SMNDC1: variants seen among roughly 807,000 people sequenced by gnomAD.
The protein encoded by SMNDC1 is survival of motor neuron-related-splicing factor 30.
Under a neutral mutation model 29.2 loss-of-function variants are expected in SMNDC1, and 5 were observed. The observed-to-expected ratio is 0.17, with a 90% CI of 0.09 to 0.36. The LOEUF (loss-of-function observed/expected upper bound fraction) is 0.36. Among genes scored for constraint, SMNDC1 ranks in the 10% least tolerant of loss-of-function variants. The pLI is 1.00. For synonymous variants in SMNDC1, 80 were observed against 89.9 expected, an observed-to-expected ratio of 0.89 and a Z score of 0.62; for missense variants, 142 against 268.5, an observed-to-expected ratio of 0.53 and a Z score of 3.29.
At position 110,298,630 on chromosome 10, in the gene SMNDC1, T is replaced by A. The variant is rs1249045213; in HGVS notation, c.263+18A>T. On this transcript the variant is annotated intron_variant, in intron 3 of 5. Coordinates refer to ENST00000369603, the MANE Select transcript of SMNDC1 (RefSeq NM_005871.4). ...TATTATTTCATGTTATAGTTAGAGTTTTTTTTTCTACACTTACTGTCCATC... is the reference window on the plus strand; with the variant it reads ...TATTATTTCATGTTATAGTTAGAGTATTTTTTTCTACACTTACTGTCCATC... The A allele has an allele frequency of 6.3e-7, 1 of 1,585,016 alleles. No homozygotes were observed. The highest frequency in any genetic ancestry group is 8.6e-7 in the Non-Finnish European group (1 of 1,167,534).
At position 110,291,607 on chromosome 10, in the gene SMNDC1, C is replaced by T. The variant is rs1009649582; in HGVS notation, c.*2543G>A. ...AGCTATTTACACATTTGAATTCAAT[C>T]CTTAAAACTGAAACAGATTTTTCCA... On this transcript the variant is annotated 3_prime_UTR_variant, in exon 6 of 6. Coordinates refer to ENST00000369603, the MANE Select transcript of SMNDC1 (RefSeq NM_005871.4). 3 of 152,232 alleles carry T rather than the reference C, an allele frequency of 2.0e-5. No homozygotes were observed. The highest frequency in any genetic ancestry group is 3.4e-3 in the Middle Eastern group (1 of 294). The allele number at this position is 152,232 out of a possible 1,614,324, so 9.4% of individuals were successfully genotyped here.
intron 3 of SMNDC1, 91 bp from the exon 4 acceptor site, chr10:110,297,819 G>T: frequency 8.9e-7 from 1 of 1,119,398 alleles, no homozygotes; most frequent in Non-Finnish European, 1.2e-6. Context: ...TATTACATGT[G>T]TCTATAATGA....
In SMNDC1 at chr10:110,304,907, G is replaced by A. The variant is rs1857724710; in HGVS notation, c.-160C>T. ...AGGAAGAACTCGGTCGGCGGCGAGG[G>A]GGAAGGGAGGAACGCCGGGCACTGG... On this transcript the variant is annotated 5_prime_UTR_variant, in exon 1 of 6. Coordinates refer to ENST00000369603, the MANE Select transcript of SMNDC1 (RefSeq NM_005871.4). 6.6e-6 allele frequency: 1 copy of A among 152,406 alleles called. No individual in the cohort carries two copies. Among genetic ancestry groups the A allele is most frequent in the Admixed American group, 6.5e-5 (1 of 15,284 alleles). 9.4% of individuals were successfully genotyped at this position (152,406 alleles called of 1,614,324 possible).
At chr10:110,299,880 A>C (rs972768768) in intron 2 of SMNDC1, among the ~76,000 whole-genome samples, 2 of 152,172 alleles carry the variant, frequency 1.3e-5, no homozygotes, top group Non-Finnish European at 2.9e-5. Context: ...AAATCTCTTG[A>C]AGAAAGGTTA....
At chr10:110,301,415 G>T (rs1197213171) in intron 2 of SMNDC1, among the ~76,000 whole-genome samples, 1 of 150,828 alleles carries the variant, frequency 6.6e-6, no homozygotes, top group Non-Finnish European at 1.5e-5. Context: ...ATTCAAAATA[G>T]ACCTTATCTA....
At chr10:110,298,278 C>T (rs953179338) in intron 3 of SMNDC1, among the ~76,000 whole-genome samples, 6 of 152,188 alleles carry the variant, frequency 3.9e-5, no homozygotes, top group Non-Finnish European at 7.3e-5. Context: ...CATGAGCCAC[C>T]ACACCCAGCG....
In SMNDC1 at chr10:110,298,792, T is replaced by TA. The variant is rs771389351; in HGVS notation, c.121-3dup. 2 of 1,589,588 alleles carry TA rather than the reference T, an allele frequency of 1.3e-6. No individual in the cohort carries two copies. The highest frequency in any genetic ancestry group is 3.4e-4 in the Middle Eastern group (2 of 5,940). On this transcript the variant is annotated splice_polypyrimidine_tract_variant and splice_region_variant and intron_variant, in intron 2 of 5. Transcript: ENST00000369603. ...GTCTTTGGTTAGTTCTATAACTTCC[T>TA]AAAAAAGAAAAACAAAAACTACAAC...
chr10:110,292,747 C>T lies in SMNDC1; in HGVS notation c.*1403G>A, dbSNP rs534892294. 6.6e-5 allele frequency: 10 copies of T among 151,946 alleles called. No homozygotes were observed. The highest frequency in any genetic ancestry group is 1.2e-4 in the Non-Finnish European group (8 of 67,978). The allele number at this position is 151,946 out of a possible 1,614,324, so 9.4% of individuals were successfully genotyped here. On this transcript the variant is annotated 3_prime_UTR_variant, in exon 6 of 6. Coordinates refer to ENST00000369603, the MANE Select transcript of SMNDC1 (RefSeq NM_005871.4). Reference sequence around the variant, plus strand: ...AGGGAGAGATGAAGAATTCTACCTACCACTGTCCTAAGTTTCAATTTATAA... The same window carrying T: ...AGGGAGAGATGAAGAATTCTACCTATCACTGTCCTAAGTTTCAATTTATAA...
At chr10:110,295,655 C>T (rs560905103) in intron 4 of SMNDC1, among the ~76,000 whole-genome samples, 64 of 121,308 alleles carry the variant, frequency 5.3e-4, no homozygotes, top group African/African-American at 1.6e-3. Context: ...TTTTTTTTGG[C>T]GACAAAGTCT....
intron 5 of SMNDC1, among the ~76,000 whole-genome samples, chr10:110,294,751 G>A (rs749967507): frequency 2.0e-5 from 3 of 152,224 alleles, no homozygotes; most frequent in Non-Finnish European, 2.9e-5. Context: ...CTACCTTGAT[G>A]GCAGTGAAGA....
chr10:110,302,622 G>A (rs1003897722), intron 2 of SMNDC1, among the ~76,000 whole-genome samples: 3 of 152,042 alleles, frequency 2.0e-5, no homozygotes, highest in Non-Finnish European at 2.9e-5. Context: ...GTACTCAGTC[G>A]GTAAAGCAAT....
At chr10:110,302,076 GT>G in intron 2 of SMNDC1, among the ~76,000 whole-genome samples, 1 of 152,194 alleles carries the variant, frequency 6.6e-6, no homozygotes. Context: ...GACTGCTTAA[GT>G]TGGTAAAGGT....
intron 5 of SMNDC1, 120 bp from the exon 6 acceptor site, chr10:110,294,407 G>T: frequency 1.2e-6 from 1 of 833,652 alleles, no homozygotes; most frequent in Non-Finnish European, 1.8e-6. Flanking sequence ...AAAACATATT[G>T]CCTTTGTTTA....
intron 5 of SMNDC1, 99 bp downstream of exon 5, chr10:110,295,129 A>G: frequency 8.8e-7 from 1 of 1,138,266 alleles, no homozygotes; most frequent in South Asian, 1.5e-5. Flanking sequence ...ATCTGAGTTA[A>G]TCATACTTTA....
rs184405665 is a variant in SMNDC1 at position 110,291,976 on chromosome 10, T to G, written c.*2174A>C. The G allele has an allele frequency of 3.2e-4, 49 of 152,324 alleles. 1 individual carries two copies. Among genetic ancestry groups the G allele is most frequent in the South Asian group, 1.0e-3 (5 of 4,824 alleles). The allele number at this position is 152,324 out of a possible 1,614,324, so 9.4% of individuals were successfully genotyped here. On this transcript the variant is annotated 3_prime_UTR_variant, in exon 6 of 6. Coordinates refer to ENST00000369603, the MANE Select transcript of SMNDC1 (RefSeq NM_005871.4). ...TGTCACAGTTTCAAAGCTTCAAGTC[T>G]CCTTTCTTAATGGGGAAAACTCTAC...
chr10:110,297,458 C>T (rs556841866), intron 4 of SMNDC1, 109 bp downstream of exon 4: 147 of 999,416 alleles, frequency 1.5e-4, no homozygotes, highest in Middle Eastern at 4.9e-4. Context: ...TTCAAAACAA[C>T]GGTAAAACAG....
chr10:110,299,414 T>C (rs1158132852), intron 2 of SMNDC1, among the ~76,000 whole-genome samples: 2 of 152,210 alleles, frequency 1.3e-5, no homozygotes, highest in Non-Finnish European at 2.9e-5. Flanking sequence ...TTAAGCACAT[T>C]AGCACAGCTT....
rs1857532609 is a variant in SMNDC1 at position 110,294,010 on chromosome 10, G to A, written c.*140C>T. On this transcript the variant is annotated 3_prime_UTR_variant, in exon 6 of 6. Transcript: ENST00000369603. ...CAGTTATCAAATGCAATTTCTTCAC[G>A]TTTCATTCTACTGAAGCCAACCAAT... is the stretch of plus-strand genomic sequence containing the variant. The A allele has an allele frequency of 8.4e-6, 5 of 595,548 alleles. No homozygotes were observed. Among genetic ancestry groups the A allele is most frequent in the South Asian group, 6.1e-5 (2 of 32,710 alleles). The allele number at this position is 595,548 out of a possible 1,614,324, so 36.9% of individuals were successfully genotyped here.
intron 3 of SMNDC1, 96 bp from the exon 4 acceptor site, chr10:110,297,824 TA>T: frequency 9.4e-7 from 1 of 1,065,948 alleles, no homozygotes; most frequent in Non-Finnish European, 1.3e-6. Context: ...CATGTGTCTA[TA>T]ATGAAACTTC....
Sources: allele counts gnomAD v4.1 joint callset (sites outside exome capture counted in the v4.1 genomes callset), GRCh38; gene constraint gnomAD v4.1.1; transcripts MANE v1.5; gene names NCBI Gene and HGNC (gene_info 2026-07-23, HGNC 2026-07-21).